MARCHF6: variants seen among roughly 807,000 people sequenced by gnomAD.
MARCHF6 encodes the protein membrane associated ring-CH-type finger 6, also known as E3 ubiquitin-protein ligase MARCHF6.
A neutral mutation model predicts 133.7 loss-of-function variants in MARCHF6; 31 were observed. The ratio of observed to expected loss-of-function variants is 0.23; its 90% CI spans 0.17 to 0.31. The LOEUF (loss-of-function observed/expected upper bound fraction) is 0.31, where lower values mean the gene tolerates loss of function less well. Among genes scored for constraint, MARCHF6 ranks in the 10% least tolerant of loss-of-function variants. MARCHF6 has a pLI of 1.00. For missense variants in MARCHF6, 723 were observed against 1,121.6 expected, an observed-to-expected ratio of 0.64 and a Z score of 5.08; for synonymous variants, 395 against 402.5, an observed-to-expected ratio of 0.98 and a Z score of 0.22.
At chr5:10,401,844 T>G (rs1738552333) in intron 11 of MARCHF6, 1 of 549,650 alleles carries the variant, frequency 1.8e-6, no homozygotes, top group Non-Finnish European at 3.2e-6. Flanking sequence ...GGGTAAAGTG[T>G]TATTTAATTT....
intron 23 of MARCHF6, among the ~76,000 whole-genome samples, chr5:10,424,909 A>G (rs950892815): frequency 6.6e-6 from 1 of 152,232 alleles, no homozygotes; most frequent in African/African-American, 2.4e-5. Flanking sequence ...CTCCGATAAT[A>G]AGACTAGAAA....
intron 21 of MARCHF6, 146 bp downstream of exon 21, chr5:10,415,815 T>C (rs1739470929): frequency 2.9e-6 from 2 of 698,896 alleles, no homozygotes. Context: ...AGAAATACTC[T>C]TTCAAGATAG....
intron 4 of MARCHF6, among the ~76,000 whole-genome samples, chr5:10,384,298 A>T (rs770461452): frequency 1.3e-5 from 2 of 151,506 alleles, no homozygotes; most frequent in East Asian, 4.0e-4. Flanking sequence ...TTTAAGAATA[A>T]AAGGCAATTG....
chr5:10,386,433 G>A (rs746313209), intron 4 of MARCHF6, among the ~76,000 whole-genome samples: 9 of 152,232 alleles, frequency 5.9e-5, no homozygotes, highest in Middle Eastern at 3.4e-3. Flanking sequence ...ATAGCAGTTC[G>A]TTCACCCATA....
At chr5:10,417,551 G>A in intron 22 of MARCHF6, 147 bp downstream of exon 22, 1 of 968,702 alleles carries the variant, frequency 1.0e-6, no homozygotes, top group East Asian at 2.5e-5. Context: ...TTCGAGACCA[G>A]CCTGGGCAGC....
At chr5:10,423,706 A>G (rs769487566) in intron 22 of MARCHF6, 29 bp from the exon 23 acceptor site, 10 of 1,478,866 alleles carry the variant, frequency 6.8e-6, no homozygotes. Context: ...AAACAACAGA[A>G]ATATGTTAAA....
intron 5 of MARCHF6, among the ~76,000 whole-genome samples, chr5:10,388,847 C>A (rs188845959): frequency 6.6e-6 from 1 of 152,164 alleles, no homozygotes; most frequent in Non-Finnish European, 1.5e-5. Flanking sequence ...AAAAGGACTC[C>A]AGAGTTTGTC....
intron 11 of MARCHF6, 66 bp downstream of exon 11, chr5:10,400,908 A>G (rs1434641867): frequency 1.6e-6 from 2 of 1,219,582 alleles, no homozygotes; most frequent in Non-Finnish European, 2.4e-6. Context: ...TTAATAAAAT[A>G]GTATTCTAAA....
chr5:10,411,960 C>T (rs1430568469), intron 19 of MARCHF6, among the ~76,000 whole-genome samples: 1 of 152,186 alleles, frequency 6.6e-6, no homozygotes, highest in Non-Finnish European at 1.5e-5. Context: ...TGTTCGTTAG[C>T]AAGTGATCAA....
At chr5:10,421,772 G>A (rs1245055648) in intron 22 of MARCHF6, among the ~76,000 whole-genome samples, 1 of 152,188 alleles carries the variant, frequency 6.6e-6, no homozygotes, top group Non-Finnish European at 1.5e-5. Flanking sequence ...GAAAAAGCAG[G>A]GAGGCTTTCT....
intron 1 of MARCHF6, among the ~76,000 whole-genome samples, chr5:10,355,772 C>T (rs1579507262): frequency 1.3e-5 from 2 of 152,126 alleles, no homozygotes; most frequent in East Asian, 3.8e-4. Flanking sequence ...GTAACTTGTC[C>T]AGGATAATAC....
intron 9 of MARCHF6, among the ~76,000 whole-genome samples, 162 bp downstream of exon 9, chr5:10,394,947 C>T (rs889657021): frequency 6.6e-6 from 1 of 151,934 alleles, no homozygotes; most frequent in Non-Finnish European, 1.5e-5. Flanking sequence ...CTACAGGTGC[C>T]CGCCACCATG....
intron 7 of MARCHF6, among the ~76,000 whole-genome samples, chr5:10,392,857 ATC>A (rs1737952893): frequency 6.6e-6 from 1 of 151,822 alleles, no homozygotes; most frequent in African/African-American, 2.4e-5. Flanking sequence ...GCTTTGCACT[ATC>A]TCTAGTTCTA....
At chr5:10,375,525 A>C (rs533238307) in intron 1 of MARCHF6, among the ~76,000 whole-genome samples, 129 of 152,316 alleles carry the variant, frequency 8.5e-4, no homozygotes, top group African/African-American at 2.9e-3. Context: ...TCGACCACCC[A>C]AGGGCTGAGG....
intron 7 of MARCHF6, among the ~76,000 whole-genome samples, chr5:10,393,070 T>G (rs6872916): frequency 0.053 from 8,024 of 152,084 alleles, 721 homozygotes; most frequent in African/African-American, 0.18. Context: ...TTTACCTTTT[T>G]TTTTGAGACA....
At position 10,417,289 on chromosome 5, in the gene MARCHF6, T is replaced by C; in HGVS notation, c.2168T>C (p.Val723Ala). Residue 723 changes from valine to alanine, a missense_variant, in exon 22 of 26, where the codon GTT becomes GCT. By Grantham distance (64) the Val-to-Ala change is moderately conservative. Coordinates refer to ENST00000274140, the MANE Select transcript of MARCHF6 (RefSeq NM_005885.4). ...TAATAGATCATGAAGACTTTGATAG[T>C]TGCGGTGCTGTTGGCTGGAGTTGTC... ...WSLMIMKTLI[V>A]AVLLAGVVPL... The C allele has an allele frequency of 1.2e-5, 20 of 1,612,906 alleles. No homozygotes were observed. The highest frequency in any genetic ancestry group is 1.7e-5 in the Non-Finnish European group (20 of 1,179,752).
intron 1 of MARCHF6, among the ~76,000 whole-genome samples, chr5:10,359,351 G>T (rs1250096766): frequency 1.3e-5 from 2 of 152,110 alleles, no homozygotes; most frequent in Non-Finnish European, 2.9e-5. Context: ...GTACAGTGCT[G>T]TAAATGTAAT....
At position 10,390,507 on chromosome 5, in the gene MARCHF6, C is replaced by A; in HGVS notation, c.576+7C>A. 1.2e-6 allele frequency: 2 copies of A among 1,609,996 alleles called. No individual in the cohort carries two copies. Among genetic ancestry groups the A allele is most frequent in the Non-Finnish European group, 1.7e-6 (2 of 1,178,304 alleles). ...GGGGCATCACCAAAATGAGGTAACTCCCCTACCCCAAAATTGATTTTACTT... is the reference window on the plus strand; with the variant it reads ...GGGGCATCACCAAAATGAGGTAACTACCCTACCCCAAAATTGATTTTACTT... On this transcript the variant is annotated splice_region_variant and intron_variant, in intron 6 of 25. Coordinates refer to ENST00000274140, the MANE Select transcript of MARCHF6 (RefSeq NM_005885.4).
intron 1 of MARCHF6, among the ~76,000 whole-genome samples, chr5:10,357,134 A>G (rs1038333073): frequency 2.0e-4 from 31 of 151,500 alleles, no homozygotes; most frequent in African/African-American, 7.5e-4. Context: ...TCCTCATTTT[A>G]TGGGTTAGGA....
Sources: gnomAD v4.1 joint callset for allele counts (sites outside exome capture counted in the v4.1 genomes callset) on GRCh38, gnomAD v4.1.1 for gene constraint, MANE v1.5 for transcripts, NCBI Gene and HGNC (gene_info 2026-07-23, HGNC 2026-07-21) for gene names.